The following C12orf54 variants were observed in gnomAD, a reference collection of about 807,000 sequenced individuals.
The protein encoded by C12orf54 is chromosome 12 open reading frame 54.
A neutral mutation model predicts 26.4 loss-of-function variants in C12orf54; 24 were observed. That is an observed-to-expected ratio of 0.91 (90% CI 0.66 to 1.28). The LOEUF is 1.28. Among genes scored for constraint, C12orf54 ranks in the 50% most tolerant of loss-of-function variants. C12orf54 has a pLI of 0.00. For synonymous variants in C12orf54, 54 were observed against 47.0 expected (o/e 1.15, Z -0.61); for missense variants, 154 against 150.9 (o/e 1.02, Z -0.11).
Position 48,483,322 on chromosome 12 carries a change from A to G in C12orf54, c.26A>G (p.Gln9Arg). 1 of 1,614,018 alleles carries G rather than the reference A, an allele frequency of 6.2e-7. No homozygotes were observed. Among genetic ancestry groups the G allele is most frequent in the Non-Finnish European group, 8.5e-7 (1 of 1,179,942 alleles). Residue 9 changes from glutamine (Q) to arginine (R), a missense_variant, in exon 2 of 9, where the codon CAG (glutamine) becomes CGG (arginine). Physicochemically the swap from Gln to Arg is conservative, Grantham distance 43 (BLOSUM62 1). Transcript: ENST00000548364. MAQHPCQD[Q>R]EQKVEMTSKQ... The stretch of plus-strand genomic sequence containing the variant: ...ATGGCACAGCATCCCTGCCAGGATC[A>G]GGAACAAAAGGTAGAAATGACCTCC...
At chr12:48,425,707 C>A in the C12orf54 span, among the ~76,000 whole-genome samples, 1 of 152,042 alleles carries the variant, frequency 6.6e-6, no homozygotes, top group Non-Finnish European at 1.5e-5. Flanking sequence ...TGTATATTAG[C>A]ATTCCCTTTT....
chr12:48,434,211 G>A, the C12orf54 span, among the ~76,000 whole-genome samples: 2 of 152,222 alleles, frequency 1.3e-5, no homozygotes, highest in African/African-American at 4.8e-5. Flanking sequence ...AGCGAGGCTG[G>A]GGGAGGGGCG....
chr12:48,472,156 G>A, the C12orf54 span, among the ~76,000 whole-genome samples: 2 of 152,100 alleles, frequency 1.3e-5, no homozygotes, highest in African/African-American at 4.8e-5. Context: ...AATACTATTG[G>A]TGTATAGAAA....
the C12orf54 span, among the ~76,000 whole-genome samples, chr12:48,445,174 T>TA: frequency 4.4e-4 from 65 of 148,886 alleles, no homozygotes; most frequent in East Asian, 7.9e-4. Context: ...CTCCGTCTCT[T>TA]AAAAAAAAAA....
chr12:48,493,464 A>G (rs539851712), intron 7 of C12orf54, among the ~76,000 whole-genome samples: 1 of 151,920 alleles, frequency 6.6e-6, no homozygotes, highest in East Asian at 1.9e-4. Context: ...CACAAAATAT[A>G]CAAAAATTAG....
At chr12:48,442,362 T>C in the C12orf54 span, 1 of 152,660 alleles carries the variant, frequency 6.6e-6, no homozygotes, top group Non-Finnish European at 1.5e-5. Context: ...CAGAGCAGGG[T>C]GGTAAAACTT....
the C12orf54 span, among the ~76,000 whole-genome samples, chr12:48,414,083 C>T: frequency 9.6e-3 from 1,463 of 152,290 alleles, 30 homozygotes; most frequent in African/African-American, 0.033. Context: ...ATTGATAAAG[C>T]GACAAACTGT....
the C12orf54 span, among the ~76,000 whole-genome samples, chr12:48,458,038 G>T: frequency 6.6e-6 from 1 of 152,218 alleles, no homozygotes; most frequent in Non-Finnish European, 1.5e-5. Flanking sequence ...TGAAGGCAAG[G>T]GTGGCCTGTG....
At chr12:48,459,837 T>C in the C12orf54 span, among the ~76,000 whole-genome samples, 1 of 152,190 alleles carries the variant, frequency 6.6e-6, no homozygotes, top group Non-Finnish European at 1.5e-5. Context: ...GGCAGTGATG[T>C]GTGGCAACAT....
the C12orf54 span, among the ~76,000 whole-genome samples, chr12:48,423,054 A>G: frequency 6.6e-6 from 1 of 152,166 alleles, no homozygotes; most frequent in Non-Finnish European, 1.5e-5. Flanking sequence ...CTTTCATTTC[A>G]AATGCATCTG....
At chr12:48,479,949 G>T (rs1328585510), upstream of C12orf54, among the ~76,000 whole-genome samples, 1 of 152,070 alleles carries the variant, frequency 6.6e-6, no homozygotes, top group Non-Finnish European at 1.5e-5. Flanking sequence ...CAGATGAACT[G>T]CTAGGTGAGG....
chr12:48,495,015 C>G, intron 8 of C12orf54, 36 bp downstream of exon 8: 6 of 1,490,708 alleles, frequency 4.0e-6, no homozygotes, highest in Non-Finnish European at 5.5e-6. Context: ...CTGAGCTCCA[C>G]CCTGCCCATC....
At chr12:48,437,375 G>C in the C12orf54 span, among the ~76,000 whole-genome samples, 1 of 152,184 alleles carries the variant, frequency 6.6e-6, no homozygotes, top group Admixed American at 6.5e-5. Flanking sequence ...AGTAGAAAAA[G>C]AGGGAATCCT....
the C12orf54 span, among the ~76,000 whole-genome samples, chr12:48,416,478 TC>T: frequency 1.3e-5 from 2 of 152,136 alleles, no homozygotes; most frequent in Non-Finnish European, 2.9e-5. Flanking sequence ...CAATATTGGC[TC>T]AAACAACACC....
At chr12:48,469,268 C>G in the C12orf54 span, among the ~76,000 whole-genome samples, 3 of 152,216 alleles carry the variant, frequency 2.0e-5, no homozygotes, top group Non-Finnish European at 2.9e-5. Context: ...TTATCTACAA[C>G]TGCATAAGAT....
At chr12:48,450,001 C>T in the C12orf54 span, among the ~76,000 whole-genome samples, 1 of 152,180 alleles carries the variant, frequency 6.6e-6, no homozygotes, top group African/African-American at 2.4e-5. Flanking sequence ...ATGTAAGAAG[C>T]ACCCTCTGCC....
chr12:48,468,910 C>T, the C12orf54 span, among the ~76,000 whole-genome samples: 3 of 152,168 alleles, frequency 2.0e-5, no homozygotes, highest in South Asian at 2.1e-4. Context: ...CATCACATGT[C>T]GGCAGGTTCC....
the C12orf54 span, among the ~76,000 whole-genome samples, chr12:48,453,327 G>A: frequency 6.6e-6 from 1 of 151,710 alleles, no homozygotes; most frequent in Non-Finnish European, 1.5e-5. Context: ...GCACACACTG[G>A]GGCCTGTTGG....
chr12:48,445,612 A>G, the C12orf54 span, among the ~76,000 whole-genome samples: 1 of 152,166 alleles, frequency 6.6e-6, no homozygotes, highest in Non-Finnish European at 1.5e-5. Flanking sequence ...GGTTTCTGGC[A>G]TAATGCGGGC....
Sources: allele counts gnomAD v4.1 joint callset (sites outside exome capture counted in the v4.1 genomes callset), GRCh38; gene constraint gnomAD v4.1.1; transcripts MANE v1.5; gene names NCBI Gene and HGNC (gene_info 2026-07-23, HGNC 2026-07-21).